The following IQSEC3 variants were observed in gnomAD, a reference collection of about 807,000 sequenced individuals.
The protein encoded by IQSEC3 is IQ motif and Sec7 domain ArfGEF 3, also known as IQ motif and SEC7 domain-containing protein 3.
IQSEC3 carries 50 observed loss-of-function variants against 105.4 expected under a neutral mutation model. The ratio of observed to expected loss-of-function variants is 0.47; its 90% CI spans 0.38 to 0.60. IQSEC3 has a LOEUF of 0.60. Among genes scored for constraint, IQSEC3 ranks in the 20% least tolerant of loss-of-function variants. The pLI, the probability that IQSEC3 is intolerant of heterozygous loss-of-function variation, is 0.00. For synonymous variants in IQSEC3, 708 were observed against 746.0 expected, an observed-to-expected ratio of 0.95 and a Z score of 0.83; for missense variants, 1,415 against 1,630.0, an observed-to-expected ratio of 0.87 and a Z score of 2.27.
At chr12:99,078 T>C in intron 1 of IQSEC3, 68 bp from the exon 2 acceptor site, 2 of 1,411,280 alleles carry the variant, frequency 1.4e-6, no homozygotes, top group South Asian at 1.2e-5. Context: ...CAGAAATGCT[T>C]TAGTGTCAGG....
intron 2 of IQSEC3, 61 bp downstream of exon 2, chr12:99,275 C>T (rs541413762): frequency 1.0e-4 from 147 of 1,471,240 alleles, no homozygotes; most frequent in Non-Finnish European, 1.3e-4. Context: ...TACAACAAAG[C>T]ACGTACCACT....
rs752879514 is a variant in IQSEC3 at position 174,888 on chromosome 12, G to A, written c.3404G>A (p.Gly1135Asp). 2 of 1,571,552 alleles carry A rather than the reference G, an allele frequency of 1.3e-6. No individual in the cohort carries two copies. The highest frequency in any genetic ancestry group is 1.7e-6 in the Non-Finnish European group (2 of 1,167,352). The change falls in exon 14 of 14, where the codon GGC becomes GAC. Residue 1135 changes from glycine (G) to aspartate (D), a missense_variant. Gly to Asp is a moderately conservative substitution (Grantham distance 94, BLOSUM62 -1). Coordinates refer to ENST00000538872, the MANE Select transcript of IQSEC3 (RefSeq NM_001170738.2). ...GACTCCTGCGGCTCCACACCCCTGGGCGGTCCCGGCTCTCCGGTCAAGGTC... is the reference window on the plus strand; with the variant it reads ...GACTCCTGCGGCTCCACACCCCTGGACGGTCCCGGCTCTCCGGTCAAGGTC... ...SSDSCGSTPL[G>D]GPGSPVKVTH...
At chr12:80,709 A>C (rs1555070515) in intron 1 of IQSEC3, among the ~76,000 whole-genome samples, 1 of 152,236 alleles carries the variant, frequency 6.6e-6, no homozygotes, top group Admixed American at 6.5e-5. Context: ...TCACTAATGA[A>C]AACTTATAGT....
Position 138,193 on chromosome 12 carries a change from C to A in IQSEC3, c.904-74C>A. The A allele has an allele frequency of 8.7e-6, 12 of 1,379,654 alleles. No individual in the cohort carries two copies. Among genetic ancestry groups the A allele is most frequent in the Non-Finnish European group, 1.2e-5 (12 of 1,000,294 alleles). 85.5% of individuals were successfully genotyped at this position (1,379,654 alleles called of 1,614,324 possible). On this transcript the variant is annotated intron_variant, in intron 3 of 13. Coordinates refer to ENST00000538872, the MANE Select transcript of IQSEC3 (RefSeq NM_001170738.2). This position sits in a 1 kb window ranked among gnomAD's most constrained non-coding sequence, Gnocchi z 7.1. The stretch of plus-strand genomic sequence containing the variant: ...GCCCCACCCGAGTGTGGCCGGGTGA[C>A]TCCACCACTCCTCAGAAGGGCTGAC...
In IQSEC3 at chr12:132,751, G is replaced by A. The variant is rs182558527; in HGVS notation, c.904-5516G>A. On this transcript the variant is annotated intron_variant, in intron 3 of 13. Transcript: ENST00000538872. ...TGGTTTGGGTGAGGTAGGGAAAACA[G>A]TGGCATAGCCTAGATGGACAGAGGA... Among the ~76,000 whole-genome samples the A allele has an allele frequency of 3.9e-5, 6 of 152,258 alleles. No individual in the cohort carries two copies. In the East Asian group the frequency reaches 1.2e-3, roughly 29 times the overall value.
intron 1 of IQSEC3, among the ~76,000 whole-genome samples, chr12:85,200 G>A (rs546264571): frequency 9.2e-5 from 14 of 152,276 alleles, no homozygotes; most frequent in African/African-American, 2.9e-4. Flanking sequence ...CACAGCTGAC[G>A]AAAGGTGGGT....
intron 2 of IQSEC3, among the ~76,000 whole-genome samples, chr12:106,025 G>T (rs556640590): frequency 2.6e-5 from 4 of 152,344 alleles, no homozygotes; most frequent in African/African-American, 9.6e-5. Flanking sequence ...CTAACTCTGT[G>T]TCGGTTTTGT....
At chr12:72,050 A>G (rs71271031) in intron 1 of IQSEC3, among the ~76,000 whole-genome samples, 1 of 151,792 alleles carries the variant, frequency 6.6e-6, no homozygotes, top group Non-Finnish European at 1.5e-5. Flanking sequence ...AAGTCATCCC[A>G]TGGTCTCTGG....
In IQSEC3 at chr12:173,546, C is replaced by G. The variant is rs560944682; in HGVS notation, c.3115-1053C>G. Among the ~76,000 whole-genome samples the G allele has an allele frequency of 5.6e-4, 85 of 152,266 alleles. No individual in the cohort carries two copies. In the East Asian group the frequency reaches 0.012, roughly 21 times the overall value. On this transcript the variant is annotated intron_variant, in intron 13 of 13. Coordinates refer to ENST00000538872, the MANE Select transcript of IQSEC3 (RefSeq NM_001170738.2). The stretch of plus-strand genomic sequence containing the variant: ...CTGGGATGAGGTACCTCCCCTGCAG[C>G]TTCCCTTTCCCTCTGTGCTCTGAGC...
At chr12:160,436 AATCTGT>A (rs1866848909) in intron 7 of IQSEC3, among the ~76,000 whole-genome samples, 6 of 152,094 alleles carry the variant, frequency 3.9e-5, no homozygotes, top group Admixed American at 3.9e-4. Flanking sequence ...ATAAATGTTC[AATCTGT>A]TGCCCAGAAT....
intron 1 of IQSEC3, among the ~76,000 whole-genome samples, chr12:71,985 C>G (rs4018350): frequency 0.15 from 22,299 of 147,570 alleles, no homozygotes; most frequent in Non-Finnish European, 0.21. Context: ...TCCTGAAGGC[C>G]TAGGCCACTG....
At chr12:141,043 CT>C (rs1865999606) in intron 4 of IQSEC3, 80 bp from the exon 5 acceptor site, 88 of 1,415,102 alleles carry the variant, frequency 6.2e-5, no homozygotes, top group Non-Finnish European at 8.5e-5. Flanking sequence ...CTGGGTACTT[CT>C]ATGGGTGGAA....
At chr12:117,424 G>A (rs1434468002) in intron 2 of IQSEC3, among the ~76,000 whole-genome samples, 1 of 152,250 alleles carries the variant, frequency 6.6e-6, no homozygotes, top group African/African-American at 2.4e-5. Flanking sequence ...GCACTCGCCA[G>A]TATGGCCCAG....
At chr12:106,477 T>G (rs190270337) in intron 2 of IQSEC3, 1 of 152,406 alleles carries the variant, frequency 6.6e-6, no homozygotes, top group African/African-American at 2.4e-5. Context: ...ATGTGTGGAC[T>G]CCAGAGGAGT....
rs112910289 is a variant in IQSEC3 at position 117,309 on chromosome 12, G to A, written c.624-8324G>A. Among the ~76,000 whole-genome samples, 711 of 152,316 alleles carry A rather than the reference G, an allele frequency of 4.7e-3. 8 individuals are homozygous for A. Among genetic ancestry groups the A allele is most frequent in the African/African-American group, 0.016 (682 of 41,566 alleles). On this transcript the variant is annotated intron_variant, in intron 2 of 13. Coordinates refer to ENST00000538872, the MANE Select transcript of IQSEC3 (RefSeq NM_001170738.2). ...AACTGTGTGTCATGTGTTGGGAAGC[G>A]GGCAGGGAGGATGTTCTTCGAGCTT...
chr12:168,759 T>C (rs1234747361), intron 11 of IQSEC3, among the ~76,000 whole-genome samples: 3 of 152,122 alleles, frequency 2.0e-5, no homozygotes, highest in African/African-American at 4.8e-5. Flanking sequence ...CTCCCTCACA[T>C]CGGCCTCTTC....
intron 2 of IQSEC3, among the ~76,000 whole-genome samples, chr12:104,319 T>C (rs782814220): frequency 1.3e-5 from 2 of 152,214 alleles, no homozygotes; most frequent in African/African-American, 2.4e-5. Flanking sequence ...CTAGAATTTT[T>C]TTTAAGCGCT....
chr12:139,211 C>A lies in IQSEC3; in HGVS notation c.1848C>A (p.Ser616=). Residue 616 remains serine, a synonymous_variant, in exon 4 of 14, where the codon TCC becomes TCA. Transcript: ENST00000538872. ...AGTCAGGCTCGGAGGCGTCGGCCTCCGCCTCCAAGGACGCCCTGCAGGCCA... is the reference window on the plus strand; with the variant it reads ...AGTCAGGCTCGGAGGCGTCGGCCTCAGCCTCCAAGGACGCCCTGCAGGCCA... ...SAKSGSEASA[S]ASKDALQAMI... The A allele has an allele frequency of 1.3e-6, 2 of 1,598,142 alleles. No homozygotes were observed. Among genetic ancestry groups the A allele is most frequent in the Non-Finnish European group, 1.7e-6 (2 of 1,174,484 alleles).
chr12:130,848 G>A (rs1367685414), intron 3 of IQSEC3, among the ~76,000 whole-genome samples: 2 of 152,190 alleles, frequency 1.3e-5, no homozygotes, highest in Non-Finnish European at 2.9e-5. Flanking sequence ...AGCTTCCCCA[G>A]TCTCTCTGCT....
Sources: gnomAD v4.1 joint callset for allele counts (sites outside exome capture counted in the v4.1 genomes callset) on GRCh38, gnomAD v4.1.1 for gene constraint, Gnocchi (gnomAD v3.1) non-coding constraint, MANE v1.5 for transcripts, NCBI Gene and HGNC (gene_info 2026-07-23, HGNC 2026-07-21) for gene names.